Variants in ANK2 observed in about 807,000 individuals in gnomAD.
ANK2 encodes the protein ankyrin 2, also known as ankyrin-2.
ANK2 carries 83 observed loss-of-function variants against 360.5 expected under a neutral mutation model. The observed-to-expected ratio is 0.23, with a 90% CI of 0.19 to 0.28. The LOEUF is 0.28. Among genes scored for constraint, ANK2 ranks in the 10% least tolerant of loss-of-function variants. The pLI is 1.00. For synonymous variants in ANK2, 1,740 were observed against 1,759.5 expected (o/e 0.99, Z 0.28); for missense variants, 4,201 against 4,795.7 (o/e 0.88, Z 3.66).
At chr4:113,208,907 T>G (rs28507635) in intron 4 of ANK2, among the ~76,000 whole-genome samples, 55,132 of 151,750 alleles carry the variant, frequency 0.36, 10,850 homozygotes, top group South Asian at 0.44. Flanking sequence ...CATCATTTGA[T>G]GTAAATGGTT....
Position 113,355,384 on chromosome 4 carries a change from G to T in ANK2, c.6766G>T (p.Glu2256Ter). ...TTCTTTCTCACCAAAGAAAAGTGAGGAGCAAACTGGGGAAACAAAGGAAAG... is the reference window on the plus strand; with the variant it reads ...TTCTTTCTCACCAAAGAAAAGTGAGTAGCAAACTGGGGAAACAAAGGAAAG... Reference protein sequence around the residue: ...SLSFSPKKSEEQTGETKESTK... With the variant: ...SLSFSPKKSE Residue 2256 changes from glutamate to a stop codon, truncating the protein, a stop_gained, in exon 38 of 46, where the codon GAG becomes TAG. Coordinates refer to ENST00000357077, the MANE Select transcript of ANK2 (RefSeq NM_001148.6). LOFTEE classifies it high-confidence loss of function. 6.2e-7 allele frequency: 1 copy of T among 1,613,942 alleles called. No individual in the cohort carries two copies. Among genetic ancestry groups the T allele is most frequent in the South Asian group, 1.1e-5 (1 of 91,062 alleles).
intron 1 of ANK2, among the ~76,000 whole-genome samples, chr4:112,892,972 G>A (rs909681845): frequency 6.6e-6 from 1 of 152,070 alleles, no homozygotes; most frequent in African/African-American, 2.4e-5. Context: ...ATTTTTATAA[G>A]TCTTTTATAT....
chr4:113,230,721 T>C (rs1306767146), intron 4 of ANK2, among the ~76,000 whole-genome samples: 1 of 152,186 alleles, frequency 6.6e-6, no homozygotes, highest in African/African-American at 2.4e-5. Context: ...TTCCTAAGGC[T>C]CTGATGAAAA....
At chr4:113,334,450 G>C (rs2093132719) in intron 29 of ANK2, among the ~76,000 whole-genome samples, 2 of 151,966 alleles carry the variant, frequency 1.3e-5, no homozygotes, top group Admixed American at 1.3e-4. Context: ...TTGGTATCTT[G>C]CCCTTGGATG....
intron 2 of ANK2, among the ~76,000 whole-genome samples, chr4:112,958,061 A>G (rs1581922924): frequency 6.8e-6 from 1 of 147,858 alleles, no homozygotes; most frequent in Non-Finnish European, 1.5e-5. Context: ...GGCGCTCCTC[A>G]CTTCCTAGAT....
intron 1 of ANK2, among the ~76,000 whole-genome samples, chr4:113,061,463 G>T (rs560741187): frequency 1.3e-5 from 2 of 152,208 alleles, no homozygotes; most frequent in South Asian, 2.1e-4. Flanking sequence ...GCTAAAGGAA[G>T]TATGTTTTCC....
chr4:112,739,609 G>A, the ANK2 span, among the ~76,000 whole-genome samples: 3 of 152,052 alleles, frequency 2.0e-5, no homozygotes, highest in African/African-American at 7.2e-5. Context: ...GCAAGACTCC[G>A]TCTGGGAAAC....
chr4:113,367,484 A>T (rs2096579144), intron 41 of ANK2, 82 bp from the exon 42 acceptor site: 1 of 1,302,398 alleles, frequency 7.7e-7, no homozygotes, highest in Non-Finnish European at 1.1e-6. Flanking sequence ...TATTTTTTTT[A>T]TCCTCTTATA....
At chr4:113,189,841 G>A in intron 2 of ANK2, among the ~76,000 whole-genome samples, 1 of 152,090 alleles carries the variant, frequency 6.6e-6, no homozygotes, top group East Asian at 1.9e-4. Context: ...TGCCAACCTT[G>A]ATAAATTCTA....
At chr4:112,788,204 T>C in the ANK2 span, 1 of 1,589,736 alleles carries the variant, frequency 6.3e-7, no homozygotes, top group Non-Finnish European at 8.5e-7. Context: ...GTATCTGTCA[T>C]TGTAATTGGT....
At chr4:112,963,803 C>G (rs2035949445) in intron 2 of ANK2, among the ~76,000 whole-genome samples, 1 of 151,878 alleles carries the variant, frequency 6.6e-6, no homozygotes, top group Non-Finnish European at 1.5e-5. Flanking sequence ...TTCAAAACAT[C>G]TAACATTATT....
the ANK2 span, among the ~76,000 whole-genome samples, chr4:112,771,453 G>A: frequency 6.6e-6 from 1 of 152,070 alleles, no homozygotes; most frequent in African/African-American, 2.4e-5. Context: ...GACAGGAAGC[G>A]TTCATAAGGA....
intron 1 of ANK2, among the ~76,000 whole-genome samples, chr4:113,144,451 TA>T (rs550719836): frequency 0.017 from 2,551 of 151,114 alleles, 77 homozygotes; most frequent in African/African-American, 0.058. Flanking sequence ...TTTTTAGCTT[TA>T]AAAAAAAATG....
At chr4:113,318,117 A>G (rs1563713820) in intron 25 of ANK2, among the ~76,000 whole-genome samples, 1 of 152,248 alleles carries the variant, frequency 6.6e-6, no homozygotes, top group Non-Finnish European at 1.5e-5. Context: ...AAAGTGAAGT[A>G]GGATGCATTT....
intron 43 of ANK2, among the ~76,000 whole-genome samples, chr4:113,372,052 G>GA (rs2096757073): frequency 6.6e-6 from 1 of 152,276 alleles, no homozygotes; most frequent in Middle Eastern, 3.4e-3. Context: ...CTATTGGTTA[G>GA]ATAATAGCTA....
the ANK2 span, among the ~76,000 whole-genome samples, chr4:112,757,958 C>T: frequency 7.2e-6 from 1 of 138,162 alleles, no homozygotes; most frequent in South Asian, 2.2e-4. Flanking sequence ...TGGCCCACTG[C>T]AACGGCGCCG....
intron 4 of ANK2, among the ~76,000 whole-genome samples, chr4:113,209,604 G>A (rs1043208137): frequency 1.3e-5 from 2 of 152,030 alleles, no homozygotes; most frequent in Non-Finnish European, 2.9e-5. Flanking sequence ...CTAACAAGGA[G>A]GATCAGGCAG....
At chr4:112,870,800 T>C (rs2072703155) in intron 1 of ANK2, among the ~76,000 whole-genome samples, 1 of 152,218 alleles carries the variant, frequency 6.6e-6, no homozygotes, top group South Asian at 2.1e-4. Context: ...ATGTAAATTT[T>C]AAGGATCAGC....
intron 1 of ANK2, among the ~76,000 whole-genome samples, chr4:112,901,963 A>C (rs1275678551): frequency 6.6e-6 from 1 of 152,190 alleles, no homozygotes; most frequent in Non-Finnish European, 1.5e-5. Flanking sequence ...AATTAAATTG[A>C]ATTGTGAATC....
Sources: allele counts gnomAD v4.1 joint callset (sites outside exome capture counted in the v4.1 genomes callset), GRCh38; gene constraint gnomAD v4.1.1; transcripts MANE v1.5; gene names NCBI Gene and HGNC (gene_info 2026-07-23, HGNC 2026-07-21).